The following LRRC8D variants were observed in gnomAD, a reference collection of about 807,000 sequenced individuals.
LRRC8D encodes the protein leucine rich repeat containing 8 VRAC subunit D.
A neutral mutation model predicts 55.8 loss-of-function variants in LRRC8D; 20 were observed. The ratio of observed to expected loss-of-function variants is 0.36; its 90% CI spans 0.25 to 0.52. The LOEUF (loss-of-function observed/expected upper bound fraction) is 0.52, where lower values mean the gene tolerates loss of function less well. LRRC8D is among the 20% of genes least tolerant of loss of function. The pLI is 0.93. For missense variants in LRRC8D, 651 were observed against 1,030.8 expected (o/e 0.63, Z 5.05); for synonymous variants, 352 against 377.0 (o/e 0.93, Z 0.77).
chr1:89,822,727 C>A (rs1330354328), intron 1 of LRRC8D, among the ~76,000 whole-genome samples: 8 of 152,160 alleles, frequency 5.3e-5, no homozygotes, highest in Non-Finnish European at 1.0e-4. Context: ...TCTGGGACCT[C>A]TGCTTCTTAC....
At chr1:89,824,027 C>T (rs1182389384) in intron 1 of LRRC8D, among the ~76,000 whole-genome samples, 1 of 152,164 alleles carries the variant, frequency 6.6e-6, no homozygotes, top group Non-Finnish European at 1.5e-5. Context: ...GGCAATTTTG[C>T]TTCTCAGCAG....
In LRRC8D at chr1:89,934,769, A is replaced by G. The variant is rs1663795226; in HGVS notation, c.1701A>G (p.Leu567=). 1.9e-6 allele frequency: 3 copies of G among 1,614,168 alleles called. No individual in the cohort carries two copies. The highest frequency in any genetic ancestry group is 2.5e-6 in the Non-Finnish European group (3 of 1,180,038). The change falls in exon 3 of 3, where the codon TTA becomes TTG. Residue 567 remains leucine (L), a synonymous_variant. Coordinates refer to ENST00000337338, the MANE Select transcript of LRRC8D (RefSeq NM_001134479.2). The surrounding 1 kb of genome is among the most constrained non-coding windows in gnomAD (Gnocchi z 5.9). The part of the protein sequence containing the change: ...YLLKNLRELY[L]IGNLNSENNK... ...TCAAAAACCTTCGAGAGTTGTACTT[A>G]ATAGGCAATTTGAACTCTGAAAACA...
chr1:89,925,132 G>C (rs1344320945), intron 2 of LRRC8D, among the ~76,000 whole-genome samples: 2 of 152,164 alleles, frequency 1.3e-5, no homozygotes. Context: ...TACTGCCTTA[G>C]CTCTGCCTCT....
At chr1:89,921,497 G>A (rs538715872) in intron 2 of LRRC8D, among the ~76,000 whole-genome samples, 1 of 152,162 alleles carries the variant, frequency 6.6e-6, no homozygotes, top group South Asian at 2.1e-4. Flanking sequence ...ACCTCCTAGT[G>A]CAGATAAACT....
chr1:89,927,807 T>C (rs923396855), intron 2 of LRRC8D, among the ~76,000 whole-genome samples: 1 of 152,238 alleles, frequency 6.6e-6, no homozygotes, highest in Non-Finnish European at 1.5e-5. Context: ...AACTAAACTT[T>C]TGTACATTCA....
At chr1:89,823,497 G>A (rs776326727) in intron 1 of LRRC8D, among the ~76,000 whole-genome samples, 1 of 152,122 alleles carries the variant, frequency 6.6e-6, no homozygotes, top group Non-Finnish European at 1.5e-5. Context: ...AATTAGACTC[G>A]ATTCTGTTCT....
At chr1:89,914,052 C>G (rs1203140245) in intron 2 of LRRC8D, among the ~76,000 whole-genome samples, 1 of 152,212 alleles carries the variant, frequency 6.6e-6, no homozygotes, top group Non-Finnish European at 1.5e-5. Context: ...AAATTTTTTA[C>G]TAGAAAATAA....
intron 1 of LRRC8D, among the ~76,000 whole-genome samples, chr1:89,822,529 T>C (rs1660663078): frequency 6.6e-6 from 1 of 152,212 alleles, no homozygotes; most frequent in Non-Finnish European, 1.5e-5. Context: ...GCAGCTTTGA[T>C]AGTAAAATTC....
At chr1:89,900,438 CT>C (rs971824108) in intron 2 of LRRC8D, among the ~76,000 whole-genome samples, 2 of 151,994 alleles carry the variant, frequency 1.3e-5, no homozygotes, top group Non-Finnish European at 2.9e-5. Flanking sequence ...TGCCTGATTT[CT>C]TAGTTTGCCT....
At chr1:89,839,719 C>T (rs1344100787) in intron 1 of LRRC8D, among the ~76,000 whole-genome samples, 1 of 152,162 alleles carries the variant, frequency 6.6e-6, no homozygotes, top group Non-Finnish European at 1.5e-5. Context: ...GCATGTGCTA[C>T]CCCGGAGGTG....
intron 2 of LRRC8D, among the ~76,000 whole-genome samples, chr1:89,861,359 G>A (rs1193117098): frequency 6.6e-6 from 1 of 152,182 alleles, no homozygotes; most frequent in Non-Finnish European, 1.5e-5. Flanking sequence ...AAGGCACTTG[G>A]TTTAGTTATT....
intron 2 of LRRC8D, among the ~76,000 whole-genome samples, chr1:89,896,862 A>C (rs1050470819): frequency 1.3e-5 from 2 of 152,176 alleles, no homozygotes; most frequent in South Asian, 4.1e-4. Context: ...ACATATTCTC[A>C]AAAAAAATTA....
At chr1:89,830,360 G>C (rs1257295078) in intron 1 of LRRC8D, among the ~76,000 whole-genome samples, 1 of 152,196 alleles carries the variant, frequency 6.6e-6, no homozygotes, top group Non-Finnish European at 1.5e-5. Flanking sequence ...CAGAGACAGA[G>C]AGAGATGCAC....
intron 1 of LRRC8D, among the ~76,000 whole-genome samples, chr1:89,840,505 C>G (rs1297859427): frequency 1.3e-5 from 2 of 152,172 alleles, no homozygotes; most frequent in Admixed American, 6.5e-5. Context: ...TGCCCTTCCC[C>G]CACAGCTGGC....
In LRRC8D at chr1:89,934,627, T is replaced by A. The variant is rs775238159; in HGVS notation, c.1559T>A (p.Leu520His). Residue 520 changes from leucine (L) to histidine (H), a missense_variant, in exon 3 of 3, where the codon CTC becomes CAC. Coordinates refer to ENST00000337338, the MANE Select transcript of LRRC8D (RefSeq NM_001134479.2). This position sits in a 1 kb window ranked among gnomAD's most constrained non-coding sequence, Gnocchi z 5.9. ...ATGACTAACCTCCAAGAGCTCCACC[T>A]CTGCCACTGCCCTGCAAAAGTTGAA... is the stretch of plus-strand genomic sequence containing the variant. ...SQMTNLQELH[L>H]CHCPAKVEQT... is the part of the protein sequence containing the mutation. The A allele has an allele frequency of 1.2e-6, 2 of 1,614,102 alleles. No individual in the cohort carries two copies. The highest frequency in any genetic ancestry group is 1.7e-6 in the Non-Finnish European group (2 of 1,180,050).
chr1:89,828,261 C>G (rs1309742700), intron 1 of LRRC8D, among the ~76,000 whole-genome samples: 1 of 152,160 alleles, frequency 6.6e-6, no homozygotes, highest in African/African-American at 2.4e-5. Context: ...CCCTTGGTGC[C>G]TCCATGAGAT....
chr1:89,868,016 C>T (rs1321789615), intron 2 of LRRC8D, among the ~76,000 whole-genome samples: 1 of 152,084 alleles, frequency 6.6e-6, no homozygotes, highest in Non-Finnish European at 1.5e-5. Context: ...TTTTCAGGAA[C>T]ATACTAAATG....
At chr1:89,835,527 T>C (rs1340640719) in intron 1 of LRRC8D, among the ~76,000 whole-genome samples, 1 of 152,214 alleles carries the variant, frequency 6.6e-6, no homozygotes. Flanking sequence ...TTTCTCCTTT[T>C]TTGTTGCTGT....
intron 2 of LRRC8D, among the ~76,000 whole-genome samples, chr1:89,884,540 C>T (rs1195648607): frequency 6.6e-6 from 1 of 152,174 alleles, no homozygotes; most frequent in African/African-American, 2.4e-5. Flanking sequence ...CAGGTTCCTT[C>T]TGTTTTTTCA....
Sources: gnomAD v4.1 joint callset for allele counts (sites outside exome capture counted in the v4.1 genomes callset) on GRCh38, gnomAD v4.1.1 for gene constraint, Gnocchi (gnomAD v3.1) non-coding constraint, MANE v1.5 for transcripts, NCBI Gene and HGNC (gene_info 2026-07-23, HGNC 2026-07-21) for gene names.